The following COPG1 variants were observed in gnomAD, a reference collection of about 807,000 sequenced individuals.
The protein encoded by COPG1 is coatomer subunit gamma-1.
Under a neutral mutation model 102.8 loss-of-function variants are expected in COPG1, and 29 were observed. The observed-to-expected ratio is 0.28, with a 90% confidence interval of 0.21 to 0.38. COPG1 has a LOEUF of 0.38. Among genes scored for constraint, COPG1 ranks in the 10% least tolerant of loss-of-function variants. COPG1 has a pLI of 1.00. For synonymous variants in COPG1, 406 were observed against 421.6 expected (o/e 0.96, Z 0.45); for missense variants, 875 against 1,132.7 (o/e 0.77, Z 3.27).
intron 3 of COPG1, 61 bp from the exon 4 acceptor site, chr3:129,252,562 C>T (rs891622460): frequency 2.9e-5 from 41 of 1,416,800 alleles, no homozygotes; most frequent in Non-Finnish European, 4.0e-5. Context: ...TGGGCTGATC[C>T]TGAAAGAACT....
intron 21 of COPG1, chr3:129,274,261 C>T: frequency 2.8e-6 from 1 of 356,774 alleles, no homozygotes; most frequent in South Asian, 2.1e-5. Context: ...GGAGTAGGGC[C>T]TCAGTGAAAA....
intron 2 of COPG1, among the ~76,000 whole-genome samples, chr3:129,251,169 C>T (rs1052485547): frequency 2.0e-5 from 3 of 151,006 alleles, no homozygotes; most frequent in African/African-American, 7.3e-5. Flanking sequence ...GTGATCCACC[C>T]GCCTCGGCCT....
In COPG1 at chr3:129,272,827, A is replaced by G; in HGVS notation, c.2179A>G (p.Met727Val). The G allele has an allele frequency of 6.2e-7, 1 of 1,613,118 alleles. No homozygotes were observed. The highest frequency in any genetic ancestry group is 1.1e-5 in the South Asian group (1 of 91,018). Residue 727 changes from methionine to valine, a missense_variant, in exon 21 of 24, where the codon ATG becomes GTG. Met to Val is a conservative substitution (Grantham distance 21). Transcript: ENST00000314797. ...CACAGTGGCCTGCACATTCAGCTGC[A>G]TGATGAAGTTCACTGTCAAGGACTG... The part of the protein sequence containing the change: ...PTAVACTFSC[M>V]MKFTVKDCDP...
intron 10 of COPG1, among the ~76,000 whole-genome samples, chr3:129,259,415 C>T (rs559692250): frequency 2.7e-5 from 4 of 147,642 alleles, no homozygotes; most frequent in Non-Finnish European, 4.4e-5. Flanking sequence ...GAGCCGAGAT[C>T]GCGCCACTGC....
chr3:129,259,334 A>G (rs1308209496), intron 10 of COPG1, among the ~76,000 whole-genome samples: 1 of 151,948 alleles, frequency 6.6e-6, no homozygotes, highest in African/African-American at 2.4e-5. Flanking sequence ...GGTGGTGCGC[A>G]TCTGTAATCG....
intron 20 of COPG1, 60 bp from the exon 21 acceptor site, chr3:129,272,747 G>A (rs1168015795): frequency 2.8e-6 from 3 of 1,084,096 alleles, no homozygotes; most frequent in African/African-American, 3.1e-5. Flanking sequence ...TCCCCTGCAG[G>A]AGGAGCCCAT....
chr3:129,270,045 C>A (rs1030553329), intron 18 of COPG1, among the ~76,000 whole-genome samples: 2 of 143,530 alleles, frequency 1.4e-5, no homozygotes, highest in Non-Finnish European at 3.1e-5. Flanking sequence ...GGCCACACTC[C>A]TGGCCTTTTC....
In COPG1 at chr3:129,260,321, A is replaced by G. The variant is rs1334862177; in HGVS notation, c.872-12A>G. 6.2e-7 allele frequency: 1 copy of G among 1,613,648 alleles called. No homozygotes were observed. The highest frequency in any genetic ancestry group is 1.6e-4 in the Middle Eastern group (1 of 6,062). On this transcript the variant is annotated splice_polypyrimidine_tract_variant and intron_variant, in intron 10 of 23. Coordinates refer to ENST00000314797, the MANE Select transcript of COPG1 (RefSeq NM_016128.4). ...GAAGGCAACCTGACATGTGGCATCC[A>G]TCTCCCCACAGTGCTCCAGCTTTTC...
In COPG1 at chr3:129,275,685, A is replaced by G. The variant is rs1172315503; in HGVS notation, c.2494+393A>G. Among the ~76,000 whole-genome samples the G allele has an allele frequency of 6.6e-6, 1 of 152,128 alleles. No individual in the cohort carries two copies. Among genetic ancestry groups the G allele is most frequent in the Non-Finnish European group, 1.5e-5 (1 of 68,024 alleles). ...CCCCGTCAATATGTAGAGCTTCCTC[A>G]TTCTTTTTCTTTTAATTGTGGTAAA... On this transcript the variant is annotated intron_variant, in intron 23 of 23. Transcript: ENST00000314797. The surrounding 1 kb of genome is among the most constrained non-coding windows in gnomAD (Gnocchi z 5.0).
At chr3:129,260,882 T>A (rs1355593495) in intron 12 of COPG1, 75 bp downstream of exon 12, 2 of 1,491,884 alleles carry the variant, frequency 1.3e-6, no homozygotes, top group Non-Finnish European at 1.8e-6. Flanking sequence ...GCCACAGCCT[T>A]CCTGCCAGGA....
At chr3:129,258,913 G>C (rs1216813225) in intron 10 of COPG1, among the ~76,000 whole-genome samples, 1 of 152,180 alleles carries the variant, frequency 6.6e-6, no homozygotes, top group African/African-American at 2.4e-5. Context: ...AAGTGGATAT[G>C]TTGAGAGGCT....
intron 18 of COPG1, among the ~76,000 whole-genome samples, chr3:129,269,752 G>T (rs1320851370): frequency 1.3e-5 from 2 of 151,948 alleles, no homozygotes; most frequent in African/African-American, 4.8e-5. Context: ...AATTGGGATC[G>T]CTATAACATG....
intron 8 of COPG1, 91 bp from the exon 9 acceptor site, chr3:129,257,379 A>T (rs777049418): frequency 1.4e-5 from 19 of 1,380,966 alleles, no homozygotes; most frequent in Non-Finnish European, 1.9e-5. Flanking sequence ...CATCTTAGAA[A>T]TGAGAAGGCT....
chr3:129,274,694 T>C (rs180854476), intron 21 of COPG1, 144 bp from the exon 22 acceptor site: 14 of 911,942 alleles, frequency 1.5e-5, no homozygotes, highest in Admixed American at 1.3e-4. Context: ...GTCAAGTTGC[T>C]CTATGTCCCC....
intron 5 of COPG1, 93 bp from the exon 6 acceptor site, chr3:129,254,575 G>A (rs894132946): frequency 1.1e-5 from 9 of 838,912 alleles, no homozygotes; most frequent in Middle Eastern, 2.2e-4. Context: ...TAGGAGGCTC[G>A]TGTAGTAATC....
rs764991686 is a variant in COPG1, at chr3:129,257,513, G to A, written c.623G>A (p.Arg208His). 17 of 1,614,178 alleles carry A rather than the reference G, an allele frequency of 1.1e-5. No individual in the cohort carries two copies. Among genetic ancestry groups the A allele is most frequent in the Middle Eastern group, 3.3e-4 (2 of 6,062 alleles). The change falls in exon 9 of 24, where the codon CGC becomes CAC. Residue 208 changes from arginine (R) to histidine (H), a missense_variant. Coordinates refer to ENST00000314797, the MANE Select transcript of COPG1 (RefSeq NM_016128.4). Reference sequence around the variant, plus strand: ...CTGTACCATGTGCGTAAGAATGACCGCCTAGCCGTCAATAAGATGATCAGC... The same window carrying A: ...CTGTACCATGTGCGTAAGAATGACCACCTAGCCGTCAATAAGATGATCAGC... The part of the protein sequence containing the change: ...GLLYHVRKND[R>H]LAVNKMISKV...
At position 129,265,734 on chromosome 3, in the gene COPG1, A is replaced by C; in HGVS notation, c.1410A>C (p.Ser470=). 1 of 1,614,144 alleles carries C rather than the reference A, an allele frequency of 6.2e-7. No individual in the cohort carries two copies. The highest frequency in any genetic ancestry group is 8.5e-7 in the Non-Finnish European group (1 of 1,180,010). ...GQEGPKTTNP[S]KYIRFIYNRV... ...AGGGGCCCAAGACCACCAATCCCTC[A>C]AAGTACATCCGCTTCATCTATAACC... The change falls in exon 14 of 24, where the codon TCA becomes TCC. Residue 470 remains serine, a synonymous_variant. Transcript: ENST00000314797.
At chr3:129,263,793 C>A in intron 12 of COPG1, 111 bp from the exon 13 acceptor site, 1 of 865,834 alleles carries the variant, frequency 1.2e-6, no homozygotes, top group Non-Finnish European at 1.9e-6. Context: ...GCCCTTGTGT[C>A]ATGCCCAAGG....
At chr3:129,263,018 A>G (rs964629964) in intron 12 of COPG1, among the ~76,000 whole-genome samples, 1 of 143,140 alleles carries the variant, frequency 7.0e-6, no homozygotes, top group African/African-American at 2.9e-5. Flanking sequence ...CCGTCTCAAA[A>G]AAAAAAAAAA....
Sources: gnomAD v4.1 joint callset for allele counts (sites outside exome capture counted in the v4.1 genomes callset) on GRCh38, gnomAD v4.1.1 for gene constraint, Gnocchi (gnomAD v3.1) non-coding constraint, MANE v1.5 for transcripts, NCBI Gene and HGNC (gene_info 2026-07-23, HGNC 2026-07-21) for gene names.